Variants in PTPN13 observed in about 807,000 individuals in gnomAD.
The protein encoded by PTPN13 is tyrosine-protein phosphatase non-receptor type 13.
PTPN13 carries 191 observed loss-of-function variants against 284.0 expected under a neutral mutation model. The ratio of observed to expected loss-of-function variants is 0.67; its 90% CI spans 0.60 to 0.76. The LOEUF (loss-of-function observed/expected upper bound fraction) is 0.76, where lower values mean the gene tolerates loss of function less well. Ranked by LOEUF, PTPN13 falls within the 30% of genes least tolerant of loss-of-function variation. PTPN13 has a pLI of 0.00. For missense variants in PTPN13, 2,797 were observed against 2,939.9 expected (o/e 0.95, Z 1.12); for synonymous variants, 986 against 1,022.3 (o/e 0.96, Z 0.68).
rs1737240398 is a variant in PTPN13 at position 86,750,335 on chromosome 4, A to G, written c.2651-135A>G. The stretch of plus-strand genomic sequence containing the variant: ...CCTCCTTTTTAAAACCCTGATTGCC[A>G]CACTTTGAAAGCTACCTACTTATGC... On this transcript the variant is annotated intron_variant, in intron 17 of 47. Transcript: ENST00000411767. 5.1e-6 allele frequency: 4 copies of G among 785,004 alleles called. No individual in the cohort carries two copies. The Admixed American group carries it at 7.8e-5, about 15-fold the overall frequency. The allele number at this position is 785,004 out of a possible 1,614,324, so 48.6% of individuals were successfully genotyped here.
chr4:86,812,462 T>C (rs1454852476), intron 47 of PTPN13, among the ~76,000 whole-genome samples: 1 of 152,072 alleles, frequency 6.6e-6, no homozygotes, highest in Non-Finnish European at 1.5e-5. Context: ...GTAAATTATA[T>C]AGGATCCCTG....
chr4:86,686,680 A>G (rs769454503), intron 3 of PTPN13, 30 bp from the exon 4 acceptor site: 24 of 1,393,736 alleles, frequency 1.7e-5, no homozygotes, highest in Non-Finnish European at 2.0e-5. Flanking sequence ...ATTTTATCAT[A>G]AAATTATTTC....
chr4:86,814,059 G>C (rs1218038285), intron 47 of PTPN13, among the ~76,000 whole-genome samples: 1 of 136,856 alleles, frequency 7.3e-6, no homozygotes, highest in Admixed American at 7.8e-5. Context: ...CCAGGCTGGA[G>C]TGCAGTGGCA....
At chr4:86,778,949 A>C (rs1263694774) in intron 35 of PTPN13, among the ~76,000 whole-genome samples, 1 of 151,728 alleles carries the variant, frequency 6.6e-6, no homozygotes, top group African/African-American at 2.4e-5. Flanking sequence ...AAAGATATCA[A>C]CTGCCAGCCT....
At position 86,775,733 on chromosome 4, in the gene PTPN13, T is replaced by C; in HGVS notation, c.5891+81T>C. ...TTGATTATACTTCATTCTCTGAAAA[T>C]ATATTACTGAATTAGTAATTCATAG... is the stretch of plus-strand genomic sequence containing the variant. On this transcript the variant is annotated intron_variant, in intron 35 of 47. Coordinates refer to ENST00000411767, the MANE Select transcript of PTPN13 (RefSeq NM_080683.3). 3.6e-6 allele frequency: 4 copies of C among 1,106,794 alleles called. No individual in the cohort carries two copies. The South Asian group carries it at 6.1e-5, about 17-fold the overall frequency. The allele number at this position is 1,106,794 out of a possible 1,614,324, so 68.6% of individuals were successfully genotyped here.
chr4:86,601,547 A>C (rs945474614), intron 1 of PTPN13, among the ~76,000 whole-genome samples: 4 of 152,090 alleles, frequency 2.6e-5, no homozygotes, highest in African/African-American at 9.7e-5. Flanking sequence ...TTTTGAACAA[A>C]AGAAAATATT....
At chr4:86,716,246 A>G (rs1202688816) in intron 7 of PTPN13, among the ~76,000 whole-genome samples, 1 of 152,196 alleles carries the variant, frequency 6.6e-6, no homozygotes, top group African/African-American at 2.4e-5. Context: ...TCTTTGGCTG[A>G]ATTAAAAGAA....
At chr4:86,597,791 A>G (rs76350175) in intron 1 of PTPN13, among the ~76,000 whole-genome samples, 7,067 of 152,308 alleles carry the variant, frequency 0.046, 222 homozygotes, top group African/African-American at 0.06. Flanking sequence ...ATAATCTTGT[A>G]TAGAGGCTGG....
chr4:86,754,063 A>G (rs1737711451), intron 20 of PTPN13, among the ~76,000 whole-genome samples: 1 of 152,104 alleles, frequency 6.6e-6, no homozygotes, highest in Non-Finnish European at 1.5e-5. Context: ...TCTAATAAAA[A>G]TACACATACT....
intron 20 of PTPN13, among the ~76,000 whole-genome samples, chr4:86,755,546 A>G (rs1197048006): frequency 2.0e-5 from 3 of 152,076 alleles, no homozygotes; most frequent in Non-Finnish European, 2.9e-5. Context: ...ACCACGAACT[A>G]TAGATGGTCA....
intron 35 of PTPN13, among the ~76,000 whole-genome samples, chr4:86,779,003 T>C (rs181309623): frequency 3.5e-4 from 53 of 151,162 alleles, no homozygotes; most frequent in African/African-American, 1.2e-3. Flanking sequence ...TTCTGAATTG[T>C]CTTCCGCTAG....
At chr4:86,644,956 C>G (rs1040215515) in intron 2 of PTPN13, among the ~76,000 whole-genome samples, 1 of 152,120 alleles carries the variant, frequency 6.6e-6, no homozygotes, top group Non-Finnish European at 1.5e-5. Flanking sequence ...ACCTGTAATC[C>G]CAGCACTTTG....
At chr4:86,628,251 T>G (rs1477486960) in intron 1 of PTPN13, among the ~76,000 whole-genome samples, 3 of 152,186 alleles carry the variant, frequency 2.0e-5, no homozygotes, top group African/African-American at 7.2e-5. Flanking sequence ...GTGGTTAATC[T>G]TTTTAATTTT....
At chr4:86,609,944 T>C (rs1019447127) in intron 1 of PTPN13, among the ~76,000 whole-genome samples, 1 of 152,192 alleles carries the variant, frequency 6.6e-6, no homozygotes, top group Non-Finnish European at 1.5e-5. Context: ...TGTTTGTTTT[T>C]CTAGTTTTCT....
chr4:86,654,818 T>TA (rs1344978697), intron 2 of PTPN13, among the ~76,000 whole-genome samples: 1 of 152,202 alleles, frequency 6.6e-6, no homozygotes, highest in Non-Finnish European at 1.5e-5. Context: ...GTCTCATTGA[T>TA]ATGTCTAATG....
At chr4:86,618,083 C>G (rs1474456596) in intron 1 of PTPN13, among the ~76,000 whole-genome samples, 1 of 151,900 alleles carries the variant, frequency 6.6e-6, no homozygotes, top group African/African-American at 2.4e-5. Flanking sequence ...ATCTTTAATC[C>G]ATCTTGAATT....
intron 2 of PTPN13, among the ~76,000 whole-genome samples, chr4:86,665,009 C>T (rs1346473184): frequency 6.6e-6 from 1 of 152,116 alleles, no homozygotes; most frequent in Non-Finnish European, 1.5e-5. Context: ...TGTCCCATCA[C>T]TTAAGCCTTG....
chr4:86,602,718 G>A (rs527978407), intron 1 of PTPN13, among the ~76,000 whole-genome samples: 3 of 148,740 alleles, frequency 2.0e-5, no homozygotes, highest in South Asian at 2.1e-4. Flanking sequence ...TTTGAGACAA[G>A]GTCTCAGTCA....
chr4:86,720,440 A>G (rs1733524638), intron 9 of PTPN13, among the ~76,000 whole-genome samples: 1 of 152,142 alleles, frequency 6.6e-6, no homozygotes, highest in Non-Finnish European at 1.5e-5. Flanking sequence ...TGGTATTCAT[A>G]GCATCTGAGT....
Sources: gnomAD v4.1 joint callset for allele counts (sites outside exome capture counted in the v4.1 genomes callset) on GRCh38, gnomAD v4.1.1 for gene constraint, MANE v1.5 for transcripts, NCBI Gene and HGNC (gene_info 2026-07-23, HGNC 2026-07-21) for gene names.